ZNF384: variants seen among roughly 807,000 people sequenced by gnomAD.
The protein encoded by ZNF384 is CAG repeat protein 1.
A neutral mutation model predicts 65.0 loss-of-function variants in ZNF384; 20 were observed. The ratio of observed to expected loss-of-function variants is 0.31; its 90% CI spans 0.22 to 0.45. The LOEUF is 0.45. ZNF384 is among the 20% of genes least tolerant of loss of function. The probability of loss-of-function intolerance (pLI) is 1.00; values close to 1 mark genes in which losing one functional copy is unlikely to be tolerated. For missense variants in ZNF384, 549 were observed against 769.4 expected (o/e 0.71, Z 3.39); for synonymous variants, 310 against 303.9 (o/e 1.02, Z -0.21).
At chr12:6,685,735 C>T (rs1265424153) in intron 2 of ZNF384, among the ~76,000 whole-genome samples, 2 of 146,034 alleles carry the variant, frequency 1.4e-5, no homozygotes, top group African/African-American at 5.2e-5. Context: ...GGAGATCAGA[C>T]CACTGCACTC....
At chr12:6,674,113 C>T (rs981819091) in intron 7 of ZNF384, among the ~76,000 whole-genome samples, 1 of 152,158 alleles carries the variant, frequency 6.6e-6, no homozygotes, top group African/African-American at 2.4e-5. Context: ...TTGCAATGAC[C>T]AACGTAGCTG....
rs766550940 is a variant in ZNF384 at position 6,679,473 on chromosome 12, G to A, written c.48C>T (p.Ile16=). 6.2e-7 allele frequency: 1 copy of A among 1,614,136 alleles called. No individual in the cohort carries two copies. The stretch of plus-strand genomic sequence containing the variant: ...CACTTACCTGACCTGAGACTGTGGG[G>A]ATAGAAGGCCAGAAGTACGGGTTAG... ...FNSNPYFWPS[I]PTVSGQIENT... Residue 16 remains isoleucine, a synonymous_variant, in exon 3 of 12, where the codon ATC becomes ATT. Coordinates refer to ENST00000683879, the MANE Select transcript of ZNF384 (RefSeq NM_001385745.1).
At chr12:6,669,341 A>G in intron 10 of ZNF384, 152 bp from the exon 11 acceptor site, 1 of 809,806 alleles carries the variant, frequency 1.2e-6, no homozygotes, top group Middle Eastern at 2.5e-4. Flanking sequence ...AAACTTGAGA[A>G]GCTACAGGCT....
intron 6 of ZNF384, 127 bp from the exon 7 acceptor site, chr12:6,677,386 G>C (rs762491162): frequency 1.9e-6 from 2 of 1,039,394 alleles, no homozygotes; most frequent in Non-Finnish European, 2.4e-6. Flanking sequence ...ACTCTATACA[G>C]TGCTACCAAA....
In ZNF384 at chr12:6,682,387, G is replaced by A. The variant is rs575304070; in HGVS notation, c.-5-2862C>T. ...AAACAAAACAAAACATGCAAGTTGC[G>A]GTGGCTCATGTGTGTAATCCCAGCG... On this transcript the variant is annotated intron_variant, in intron 2 of 11. Coordinates refer to ENST00000683879, the MANE Select transcript of ZNF384 (RefSeq NM_001385745.1). Among the ~76,000 whole-genome samples the A allele has an allele frequency of 1.6e-4, 24 of 151,550 alleles. No individual in the cohort carries two copies. In the South Asian group the frequency reaches 3.4e-3, roughly 21 times the overall value.
chr12:6,688,058 C>T (rs1401699548), intron 2 of ZNF384, 109 bp downstream of exon 2: 3 of 152,584 alleles, frequency 2.0e-5, no homozygotes, highest in African/African-American at 7.2e-5. Flanking sequence ...ATTACAATTG[C>T]TATTACTTTA....
chr12:6,673,538 C>G lies in ZNF384; in HGVS notation c.780-98G>C. On this transcript the variant is annotated intron_variant, in intron 7 of 11. Coordinates refer to ENST00000683879, the MANE Select transcript of ZNF384 (RefSeq NM_001385745.1). This position sits in a 1 kb window ranked among gnomAD's most constrained non-coding sequence, Gnocchi z 4.7. ...CAAGAGAAGCCCACCTATCTGAGGT[C>G]TCTCCTACTCCAACTTGAGAGTAGA... 3.1e-6 allele frequency: 3 copies of G among 977,852 alleles called. No homozygotes were observed. The allele number at this position is 977,852 out of a possible 1,614,324, so 60.6% of individuals were successfully genotyped here.
At chr12:6,684,141 A>G (rs1306661168) in intron 2 of ZNF384, among the ~76,000 whole-genome samples, 2 of 152,202 alleles carry the variant, frequency 1.3e-5, no homozygotes, top group East Asian at 1.9e-4. Context: ...CCCTGCAACA[A>G]TGAGGTAGGT....
At chr12:6,681,449 A>C (rs536676708) in intron 2 of ZNF384, among the ~76,000 whole-genome samples, 1 of 152,248 alleles carries the variant, frequency 6.6e-6, no homozygotes, top group African/African-American at 2.4e-5. Flanking sequence ...GAGACTGGTG[A>C]AATGGGGAAA....
In ZNF384 at chr12:6,677,208, AT is replaced by A; in HGVS notation, c.737del (p.Asp246ValfsTer21). 1.6e-6 allele frequency: 2 copies of A among 1,284,100 alleles called. No homozygotes were observed. The highest frequency in any genetic ancestry group is 2.1e-6 in the Non-Finnish European group (2 of 975,562). 79.5% of individuals were successfully genotyped at this position (1,284,100 alleles called of 1,614,324 possible). A position where few individuals can be genotyped will look rare whatever the true frequency, so the allele number is the denominator to read the frequency against. ...AATTCGTGGTGGAGCCGGGAACTGA[AT>A]CCATGAGCCCAAGGCTCTGTCCATT... ...TGNGQSLGLM[D>X]SVPGSTTNLL... On this transcript the variant is annotated frameshift_variant, in exon 7 of 12. Transcript: ENST00000683879. LOFTEE classifies it high-confidence loss of function.
intron 2 of ZNF384, among the ~76,000 whole-genome samples, chr12:6,681,873 G>A (rs1365308328): frequency 6.6e-6 from 1 of 152,132 alleles, no homozygotes; most frequent in Non-Finnish European, 1.5e-5. Flanking sequence ...CACATAAACA[G>A]GCTCGCTATT....
Position 6,667,814 on chromosome 12 carries a change from G to A in ZNF384, c.1727C>T (p.Ser576Phe). 6.2e-7 allele frequency: 1 copy of A among 1,614,226 alleles called. No homozygotes were observed. Among genetic ancestry groups the A allele is most frequent in the East Asian group, 2.2e-5 (1 of 44,876 alleles). Reference protein sequence around the residue: ...DSNPNPPPQCSFDLTPYKTAE... With the variant: ...DSNPNPPPQCFFDLTPYKTAE... ...CGTCTTATACGGGGTCAGGTCAAAG[G>A]AACACTGGGGTGGAGGGTTGGGATT... Residue 576 changes from serine (S) to phenylalanine (F), a missense_variant, in exon 12 of 12, where the codon TCC becomes TTC. Physicochemically the swap from Ser to Phe is radical, Grantham distance 155. Around this residue, in one of 5 missense-constraint regions of ZNF384, gnomAD observed 136 missense variants for 183.0 expected, o/e 0.74. Coordinates refer to ENST00000683879, the MANE Select transcript of ZNF384 (RefSeq NM_001385745.1).
rs188490684 is a variant in ZNF384, at chr12:6,677,165, G to C, written c.779+2C>G. On this transcript the variant is annotated splice_donor_variant, in intron 7 of 11. Coordinates refer to ENST00000683879, the MANE Select transcript of ZNF384 (RefSeq NM_001385745.1). LOFTEE classifies it high-confidence loss of function. ...AGGCCCAGAGAGGGGAAAAGGACTT[G>C]CCCAGGGTCACACAGCAAATTCGTG... 1 of 959,406 alleles carries C rather than the reference G, an allele frequency of 1.0e-6. No individual in the cohort carries two copies. The highest frequency in any genetic ancestry group is 1.7e-5 in the African/African-American group (1 of 59,656). 59.4% of individuals were successfully genotyped at this position (959,406 alleles called of 1,614,324 possible).
At chr12:6,682,155 A>G (rs1956215635) in intron 2 of ZNF384, among the ~76,000 whole-genome samples, 2 of 151,410 alleles carry the variant, frequency 1.3e-5, no homozygotes, top group African/African-American at 4.9e-5. Context: ...AAAAAAAAAA[A>G]GAAAAAGAAA....
At chr12:6,674,306 T>G (rs1020611966) in intron 7 of ZNF384, among the ~76,000 whole-genome samples, 4 of 152,262 alleles carry the variant, frequency 2.6e-5, no homozygotes, top group Admixed American at 2.6e-4. Flanking sequence ...CACTCTGGTA[T>G]TGTCCACCAA....
chr12:6,670,748 T>G lies in ZNF384; in HGVS notation c.1266+12A>C. On this transcript the variant is annotated intron_variant, in intron 10 of 11. Coordinates refer to ENST00000683879, the MANE Select transcript of ZNF384 (RefSeq NM_001385745.1). ...CAGACTCAAGGTCTTGTGTGGAGGG[T>G]GGAACATTTACCTGCAGATTGGAGA... The G allele has an allele frequency of 1.2e-6, 2 of 1,613,468 alleles. No homozygotes were observed. Among genetic ancestry groups the G allele is most frequent in the Non-Finnish European group, 8.5e-7 (1 of 1,179,588 alleles).
In ZNF384 at chr12:6,666,915, G is replaced by A. The variant is rs186575528; in HGVS notation, c.*799C>T. The A allele has an allele frequency of 2.8e-3, 562 of 197,556 alleles. No individual in the cohort carries two copies. Among genetic ancestry groups the A allele is most frequent in the Admixed American group, 5.7e-3 (94 of 16,510 alleles). 12.2% of individuals were successfully genotyped at this position (197,556 alleles called of 1,614,324 possible). A position where few individuals can be genotyped will look rare whatever the true frequency, so the allele number is the denominator to read the frequency against. ...GTTTGCCTTGAACTCTCCCTTCTCC[G>A]CAACACCCCTGTTTTGGAGTTTCAC... On this transcript the variant is annotated 3_prime_UTR_variant, in exon 12 of 12. Transcript: ENST00000683879.
In ZNF384 at chr12:6,673,246, C is replaced by A; in HGVS notation, c.974G>T (p.Arg325Leu). ...YSCNFCEKSF[R>L]QLSHLQQHTR... Reference sequence around the variant, plus strand: ...GTGCTGCTGAAGGTGGGAGAGCTGGCGGAAGGATTTCTCACAGAAGTTACA... The same window carrying A: ...GTGCTGCTGAAGGTGGGAGAGCTGGAGGAAGGATTTCTCACAGAAGTTACA... Residue 325 changes from arginine to leucine, a missense_variant, in exon 8 of 12, where the codon CGC becomes CTC. By Grantham distance (102) the Arg-to-Leu change is moderately radical. Coordinates refer to ENST00000683879, the MANE Select transcript of ZNF384 (RefSeq NM_001385745.1). The surrounding 1 kb of genome is among the most constrained non-coding windows in gnomAD (Gnocchi z 4.7). 1 of 1,613,978 alleles carries A rather than the reference C, an allele frequency of 6.2e-7. No individual in the cohort carries two copies. The highest frequency in any genetic ancestry group is 8.5e-7 in the Non-Finnish European group (1 of 1,180,006).
chr12:6,667,951 T>G lies in ZNF384; in HGVS notation c.1590A>C (p.Ala530=), dbSNP rs750770879. The G allele has an allele frequency of 5.0e-6, 8 of 1,609,858 alleles. No homozygotes were observed. The highest frequency in any genetic ancestry group is 2.2e-5 in the East Asian group (1 of 44,826). ...GCTGCTGCTGCTGCTGCTGCTGTGA[T>G]GCCTGGGAGGCCTGGGCCTGGGCCT... ...QAQAQAQASQ[A]SQQQQQQQQQ... is the part of the protein sequence containing the mutation. Residue 530 remains alanine, a synonymous_variant, in exon 12 of 12, where the codon GCA becomes GCC. Transcript: ENST00000683879.
Sources: allele counts gnomAD v4.1 joint callset (sites outside exome capture counted in the v4.1 genomes callset), GRCh38; gene constraint gnomAD v4.1.1; regional missense constraint gnomAD v4.1.1; non-coding constraint Gnocchi (gnomAD v3.1); transcripts MANE v1.5; gene names NCBI Gene and HGNC (gene_info 2026-07-23, HGNC 2026-07-21).